SART1: variants seen among roughly 807,000 people sequenced by gnomAD.
The protein encoded by SART1 is spliceosome associated factor 1, recruiter of U4/U6.U5 tri-snRNP, also known as U4/U6.U5 tri-snRNP-associated protein 1.
A neutral mutation model predicts 105.0 loss-of-function variants in SART1; 28 were observed. The observed-to-expected ratio is 0.27, with a 90% CI of 0.20 to 0.37. SART1 has a LOEUF of 0.37. Among genes scored for constraint, SART1 ranks in the 10% least tolerant of loss-of-function variants. The pLI is 1.00. For synonymous variants in SART1, 472 were observed against 462.9 expected (o/e 1.02, Z -0.25); for missense variants, 894 against 1,106.5 (o/e 0.81, Z 2.72).
In SART1 at chr11:65,979,181, C is replaced by T. The variant is rs1051126059; in HGVS notation, c.*151C>T. 16 of 964,346 alleles carry T rather than the reference C, an allele frequency of 1.7e-5. No individual in the cohort carries two copies. Among genetic ancestry groups the T allele is most frequent in the Admixed American group, 6.7e-5 (3 of 44,850 alleles). 59.7% of individuals were successfully genotyped at this position (964,346 alleles called of 1,614,324 possible). On this transcript the variant is annotated 3_prime_UTR_variant, in exon 20 of 20. Transcript: ENST00000312397. ...TGGCTCCTGCTAGGTGAGACCTGGC[C>T]ATCAAATGACACAAACAACTAAACG...
In SART1 at chr11:65,976,342, A is replaced by G. The variant is rs1855480406; in HGVS notation, c.1573-53A>G. 2 of 1,462,812 alleles carry G rather than the reference A, an allele frequency of 1.4e-6. No homozygotes were observed. Among genetic ancestry groups the G allele is most frequent in the Admixed American group, 2.8e-5 (1 of 35,912 alleles). The allele number at this position is 1,462,812 out of a possible 1,614,324, so 90.6% of individuals were successfully genotyped here. A position where few individuals can be genotyped will look rare whatever the true frequency, so the allele number is the denominator to read the frequency against. On this transcript the variant is annotated intron_variant, in intron 12 of 19. Coordinates refer to ENST00000312397, the MANE Select transcript of SART1 (RefSeq NM_005146.5). This position sits in a 1 kb window ranked among gnomAD's most constrained non-coding sequence, Gnocchi z 5.1. ...AGGACCCTTAGGTTCCTGGGTCTCA[A>G]TGGCATCACCCCAGAAACTGCTGGG...
At chr11:65,969,988 C>T (rs925787220) in intron 12 of SART1, among the ~76,000 whole-genome samples, 35 of 152,258 alleles carry the variant, frequency 2.3e-4, no homozygotes, top group African/African-American at 7.7e-4. Flanking sequence ...TCCCAAAGTG[C>T]TGGAATTAGA....
chr11:65,966,184 A>G lies in SART1; in HGVS notation c.947A>G (p.Tyr316Cys), dbSNP rs1389686605. Residue 316 changes from tyrosine to cysteine, a missense_variant, in exon 8 of 20, where the codon TAT (tyrosine) becomes TGT (cysteine). Transcript: ENST00000312397. ...AAGAAGAAGCCTGACTACCTGCCCT[A>G]TGCCGAGGACGAGAGCGTGGACGAC... Reference protein sequence around the residue: ...LRKKKPDYLPYAEDESVDDLA... With the variant: ...LRKKKPDYLPCAEDESVDDLA... 1 of 1,614,034 alleles carries G rather than the reference A, an allele frequency of 6.2e-7. No individual in the cohort carries two copies. Among genetic ancestry groups the G allele is most frequent in the East Asian group, 2.2e-5 (1 of 44,882 alleles).
At position 65,967,353 on chromosome 11, in the gene SART1, A is replaced by G. The variant is rs1365751325; in HGVS notation, c.1283A>G (p.Asp428Gly). The G allele has an allele frequency of 6.2e-7, 1 of 1,613,940 alleles. No homozygotes were observed. Among genetic ancestry groups the G allele is most frequent in the Non-Finnish European group, 8.5e-7 (1 of 1,179,996 alleles). Residue 428 changes from aspartate (D) to glycine (G), a missense_variant, in exon 10 of 20, where the codon GAC becomes GGC. This residue lies in a region of SART1 where 712 missense variants were observed against 778.2 expected (regional missense o/e 0.91). Coordinates refer to ENST00000312397, the MANE Select transcript of SART1 (RefSeq NM_005146.5). ...GCAGATGACTTGCTGCCTCTCGGGG[A>G]CCAGACTCAGGATGGGGACTTTGGT... ...VRADDLLPLG[D>G]QTQDGDFGSR... is the part of the protein sequence containing the mutation.
rs1046243853 is a variant in SART1, at chr11:65,962,198, C to T, written c.313+105C>T. ...AGCGAAGCTCTTCAGGCCAGGAAAC[C>T]CCCAAGCTGTTTACCAGCTCTATTA... is the stretch of plus-strand genomic sequence containing the variant. On this transcript the variant is annotated intron_variant, in intron 1 of 19. Transcript: ENST00000312397. The T allele has an allele frequency of 4.6e-6, 4 of 865,700 alleles. No individual in the cohort carries two copies. In the South Asian group the frequency reaches 8.0e-5, roughly 17 times the overall value. The allele number at this position is 865,700 out of a possible 1,614,324, so 53.6% of individuals were successfully genotyped here.
intron 12 of SART1, among the ~76,000 whole-genome samples, chr11:65,972,084 A>G (rs1159320973): frequency 6.6e-6 from 1 of 152,086 alleles, no homozygotes; most frequent in Non-Finnish European, 1.5e-5. Flanking sequence ...GGGGTTACAC[A>G]ATTCCTAGAT....
chr11:65,962,126 C>CGGGGGGGGGGTGG, intron 1 of SART1, 33 bp downstream of exon 1: 1 of 25,830 alleles, frequency 3.9e-5, no homozygotes, highest in Non-Finnish European at 6.4e-5. Flanking sequence ...GGGGGCGGGT[C>CGGGGGGGGGGTGG]GGGCGGGGGT....
chr11:65,964,406 G>C, intron 2 of SART1, 109 bp from the exon 3 acceptor site: 2 of 1,326,272 alleles, frequency 1.5e-6, no homozygotes, highest in Non-Finnish European at 2.2e-6. Flanking sequence ...GGCAGACTTT[G>C]TGTTTGGGAC....
rs879509 is a variant in SART1, at chr11:65,979,723, T to C, written c.*693T>C. On this transcript the variant is annotated 3_prime_UTR_variant, in exon 20 of 20. Coordinates refer to ENST00000312397, the MANE Select transcript of SART1 (RefSeq NM_005146.5). ...CTTGGGTGCCCAGGATACTGGTGCC[T>C]GGCCCCACGTACACCCACATACTTC... 150,522 of 152,308 alleles carry C rather than the reference T, an allele frequency of 0.99. 74,405 individuals are homozygous for C. The highest frequency in any genetic ancestry group is 1 in the Middle Eastern group (294 of 294). 9.4% of individuals were successfully genotyped at this position (152,308 alleles called of 1,614,324 possible). A position where few individuals can be genotyped will look rare whatever the true frequency, so the allele number is the denominator to read the frequency against.
chr11:65,972,797 A>C (rs1377957670), intron 12 of SART1, among the ~76,000 whole-genome samples: 5 of 151,992 alleles, frequency 3.3e-5, no homozygotes, highest in Non-Finnish European at 7.4e-5. Context: ...AAAAAAAAAA[A>C]AAACCAAGAA....
chr11:65,975,923 C>T (rs990254670), intron 12 of SART1, among the ~76,000 whole-genome samples: 1 of 152,046 alleles, frequency 6.6e-6, no homozygotes, highest in African/African-American at 2.4e-5. Flanking sequence ...TCCCATGTCA[C>T]GGAACCTGCT....
At chr11:65,970,018 G>T (rs1257021532) in intron 12 of SART1, among the ~76,000 whole-genome samples, 1 of 152,048 alleles carries the variant, frequency 6.6e-6, no homozygotes, top group Non-Finnish European at 1.5e-5. Flanking sequence ...CACCACACCC[G>T]GCCACCTAGA....
chr11:65,978,357 C>G lies in SART1; in HGVS notation c.2173-243C>G. ...CAGGCCCAGCCCCTGCGTGGCAGGT[C>G]TCCAGGTTCCCCATGCTCTGCCCCC... On this transcript the variant is annotated intron_variant, in intron 17 of 19. Transcript: ENST00000312397. The surrounding 1 kb of genome is among the most constrained non-coding windows in gnomAD (Gnocchi z 6.8). 2 of 559,940 alleles carry G rather than the reference C, an allele frequency of 3.6e-6. No homozygotes were observed. The highest frequency in any genetic ancestry group is 6.4e-6 in the Non-Finnish European group (2 of 311,694). 34.7% of individuals were successfully genotyped at this position (559,940 alleles called of 1,614,324 possible). A position where few individuals can be genotyped will look rare whatever the true frequency, so the allele number is the denominator to read the frequency against.
intron 12 of SART1, among the ~76,000 whole-genome samples, chr11:65,975,217 C>T (rs1292168463): frequency 2.6e-5 from 4 of 151,242 alleles, no homozygotes; most frequent in Admixed American, 6.6e-5. Context: ...ATCCACCCAC[C>T]CCAGCCTCCC....
chr11:65,965,720 A>T lies in SART1; in HGVS notation c.679A>T (p.Met227Leu). Residue 227 changes from methionine (M) to leucine (L), a missense_variant, in exon 6 of 20, where the codon ATG becomes TTG. Met to Leu is a conservative substitution (Grantham distance 15, BLOSUM62 2). Transcript: ENST00000312397. ...AEKRAKLLEE[M>L]DQEFGVSTLV... ...CCCGTAGGCCAAGTTACTGGAGGAGATGGACCAAGAGTTTGGTGTCAGCAC... is the reference window on the plus strand; with the variant it reads ...CCCGTAGGCCAAGTTACTGGAGGAGTTGGACCAAGAGTTTGGTGTCAGCAC... 6.2e-7 allele frequency: 1 copy of T among 1,613,916 alleles called. No individual in the cohort carries two copies.
intron 12 of SART1, 144 bp downstream of exon 12, chr11:65,967,965 T>C (rs1234805127): frequency 1.3e-6 from 1 of 760,926 alleles, no homozygotes; most frequent in African/African-American, 1.8e-5. Flanking sequence ...TTTTTTTTTT[T>C]TTGAGACAGA....
At chr11:65,970,262 A>T (rs1044285795) in intron 12 of SART1, among the ~76,000 whole-genome samples, 1 of 152,134 alleles carries the variant, frequency 6.6e-6, no homozygotes, top group African/African-American at 2.4e-5. Flanking sequence ...GCATAGCCAC[A>T]CTGCCCTAAC....
intron 12 of SART1, among the ~76,000 whole-genome samples, chr11:65,973,123 G>A (rs961973166): frequency 6.6e-5 from 10 of 152,064 alleles, no homozygotes; most frequent in African/African-American, 2.2e-4. Context: ...GCAGTGAGCC[G>A]AGATCGCACC....
chr11:65,965,765 G>A lies in SART1; in HGVS notation c.724G>A (p.Gly242Arg), dbSNP rs149700997. The A allele has an allele frequency of 2.7e-5, 43 of 1,614,020 alleles. No individual in the cohort carries two copies. In the African/African-American group the frequency reaches 2.7e-4, roughly 10 times the overall value. ...CAGCACTCTGGTGGAGGAGGAGTTC[G>A]GGCAGAGGCGGCAGGTGAGGCTGCA... ...GVSTLVEEEF[G>R]QRRQDLYSAR... is the part of the protein sequence containing the mutation. Residue 242 changes from glycine to arginine, a missense_variant, in exon 6 of 20, where the codon GGG becomes AGG. Gly to Arg is a moderately radical substitution (Grantham distance 125). Transcript: ENST00000312397.
Sources: allele counts gnomAD v4.1 joint callset (sites outside exome capture counted in the v4.1 genomes callset), GRCh38; gene constraint gnomAD v4.1.1; regional missense constraint gnomAD v4.1.1; non-coding constraint Gnocchi (gnomAD v3.1); transcripts MANE v1.5; gene names NCBI Gene and HGNC (gene_info 2026-07-23, HGNC 2026-07-21).